Variants in IRAK3 observed in about 807,000 individuals in gnomAD.
IRAK3 encodes the protein interleukin 1 receptor associated kinase 3, also known as interleukin-1 receptor-associated kinase 3.
IRAK3 carries 57 observed loss-of-function variants against 56.6 expected under a neutral mutation model. The observed-to-expected ratio is 1.01, with a 90% CI of 0.81 to 1.26. The LOEUF is 1.26. IRAK3 is among the 50% of genes most tolerant of loss of function. The pLI, the probability that IRAK3 is intolerant of heterozygous loss-of-function variation, is 0.00. For synonymous variants in IRAK3, 258 were observed against 255.7 expected, an observed-to-expected ratio of 1.01 and a Z score of -0.09; for missense variants, 703 against 719.0, an observed-to-expected ratio of 0.98 and a Z score of 0.25.
chr12:66,221,584 T>C (rs1222039590), intron 6 of IRAK3, among the ~76,000 whole-genome samples: 1 of 152,240 alleles, frequency 6.6e-6, no homozygotes, highest in Non-Finnish European at 1.5e-5. Context: ...ATGTTGAATT[T>C]TATCAAATGC....
At chr12:66,231,044 A>G (rs769321359) in intron 8 of IRAK3, among the ~76,000 whole-genome samples, 1 of 152,198 alleles carries the variant, frequency 6.6e-6, no homozygotes, top group Non-Finnish European at 1.5e-5. Flanking sequence ...TTCAGTGGTA[A>G]TTCCTATCCT....
intron 8 of IRAK3, among the ~76,000 whole-genome samples, chr12:66,236,418 A>T (rs1328153518): frequency 7.9e-6 from 1 of 125,788 alleles, no homozygotes; most frequent in Non-Finnish European, 1.8e-5. Context: ...AAAAAAAAAA[A>T]TTAACCAGGC....
Position 66,189,314 on chromosome 12 carries a change from T to TG in IRAK3, c.19dup (p.Ala7GlyfsTer53). The TG allele has an allele frequency of 6.5e-7, 1 of 1,534,538 alleles. No homozygotes were observed. Among genetic ancestry groups the TG allele is most frequent in the Non-Finnish European group, 8.7e-7 (1 of 1,146,638 alleles). On this transcript the variant is annotated frameshift_variant, in exon 1 of 12. Coordinates refer to ENST00000261233, the MANE Select transcript of IRAK3 (RefSeq NM_007199.3). LOFTEE classifies it high-confidence loss of function. The stretch of plus-strand genomic sequence containing the variant: ...GCAGCCGAGCCATGGCGGGGAACTG[T>TG]GGGGCCCGCGGCGCGCTGTCGGCGC...
intron 1 of IRAK3, among the ~76,000 whole-genome samples, chr12:66,194,608 G>T (rs1333362331): frequency 1.3e-5 from 2 of 152,044 alleles, no homozygotes; most frequent in Non-Finnish European, 2.9e-5. Context: ...CGGGTGGATT[G>T]CTTGTGGTCA....
At chr12:66,221,953 C>T (rs764381854) in intron 6 of IRAK3, among the ~76,000 whole-genome samples, 3 of 152,162 alleles carry the variant, frequency 2.0e-5, no homozygotes, top group Admixed American at 1.3e-4. Flanking sequence ...TGCTTGAACC[C>T]GGGAGGCGGA....
intron 5 of IRAK3, among the ~76,000 whole-genome samples, chr12:66,212,350 G>A (rs1397812578): frequency 6.6e-6 from 1 of 152,190 alleles, no homozygotes; most frequent in African/African-American, 2.4e-5. Flanking sequence ...AAACAGAGTA[G>A]GAGGTCAGAA....
chr12:66,221,558 T>A (rs2052733898), intron 6 of IRAK3, among the ~76,000 whole-genome samples: 1 of 152,166 alleles, frequency 6.6e-6, no homozygotes, highest in African/African-American at 2.4e-5. Context: ...TTGTTGAGAG[T>A]TTTTATCATG....
intron 8 of IRAK3, chr12:66,234,669 G>C: frequency 6.2e-7 from 1 of 1,610,508 alleles, no homozygotes; most frequent in Non-Finnish European, 8.5e-7. Flanking sequence ...ACTCCTGGTG[G>C]TGTCTTAATA....
At chr12:66,215,792 A>ACGCG (rs1426815796) in intron 5 of IRAK3, among the ~76,000 whole-genome samples, 14 of 85,788 alleles carry the variant, frequency 1.6e-4, no homozygotes, top group African/African-American at 4.5e-4. Context: ...ACATGCACAC[A>ACGCG]CACACACACA....
intron 5 of IRAK3, among the ~76,000 whole-genome samples, chr12:66,211,846 C>G (rs1236009879): frequency 1.3e-5 from 2 of 152,098 alleles, no homozygotes; most frequent in African/African-American, 4.8e-5. Context: ...TGTGGTGGTT[C>G]ACGCCTGTAA....
At chr12:66,246,017 C>CACTGTTAAG (rs1377501158) in intron 11 of IRAK3, among the ~76,000 whole-genome samples, 3 of 151,954 alleles carry the variant, frequency 2.0e-5, no homozygotes, top group Non-Finnish European at 2.9e-5. Context: ...CCCTCAAGCT[C>CACTGTTAAG]ACTGTTAAGA....
At chr12:66,236,687 T>A (rs1176334698) in intron 8 of IRAK3, among the ~76,000 whole-genome samples, 1 of 152,044 alleles carries the variant, frequency 6.6e-6, no homozygotes, top group African/African-American at 2.4e-5. Context: ...ACCAAGACAG[T>A]CTTAAGGTGA....
intron 6 of IRAK3, among the ~76,000 whole-genome samples, chr12:66,221,623 T>C (rs746609814): frequency 1.3e-5 from 2 of 152,252 alleles, no homozygotes; most frequent in African/African-American, 2.4e-5. Flanking sequence ...GGTTTTGTGA[T>C]TTTTATTTTT....
At chr12:66,203,647 C>CA in intron 1 of IRAK3, 64 bp from the exon 2 acceptor site, 2 of 1,430,478 alleles carry the variant, frequency 1.4e-6, no homozygotes, top group Non-Finnish European at 2.0e-6. Flanking sequence ...ATTAGGTACA[C>CA]AAAAACAAGT....
chr12:66,237,084 C>T (rs1391763801), intron 8 of IRAK3, among the ~76,000 whole-genome samples: 3 of 152,134 alleles, frequency 2.0e-5, no homozygotes, highest in Non-Finnish European at 4.4e-5. Context: ...CCCTACTCCT[C>T]TACTTTCTGG....
intron 8 of IRAK3, among the ~76,000 whole-genome samples, chr12:66,236,078 A>G (rs1043864329): frequency 6.6e-6 from 1 of 152,238 alleles, no homozygotes; most frequent in African/African-American, 2.4e-5. Flanking sequence ...ATAATCTGTC[A>G]TTTTTATGGT....
chr12:66,233,115 G>A (rs981594328), intron 8 of IRAK3, among the ~76,000 whole-genome samples: 8 of 152,066 alleles, frequency 5.3e-5, no homozygotes, highest in Admixed American at 1.3e-4. Flanking sequence ...TCTGGTCAAA[G>A]CATTCTACAT....
chr12:66,220,064 T>C (rs1165356479), intron 6 of IRAK3, among the ~76,000 whole-genome samples: 1 of 152,190 alleles, frequency 6.6e-6, no homozygotes, highest in African/African-American at 2.4e-5. Flanking sequence ...ATAGTTCCAC[T>C]TGTTCATTTT....
At chr12:66,228,458 T>G (rs1458857206) in intron 8 of IRAK3, 88 bp downstream of exon 8, 9 of 887,444 alleles carry the variant, frequency 1.0e-5, no homozygotes, top group Admixed American at 5.1e-5. Flanking sequence ...TCTGCTGTAG[T>G]TCTCCTGGTA....
Sources: gnomAD v4.1 joint callset for allele counts (sites outside exome capture counted in the v4.1 genomes callset) on GRCh38, gnomAD v4.1.1 for gene constraint, MANE v1.5 for transcripts, NCBI Gene and HGNC (gene_info 2026-07-23, HGNC 2026-07-21) for gene names.